Variants in AUTS2 observed in about 807,000 individuals in gnomAD.
AUTS2 encodes the protein autism susceptibility gene 2 protein.
AUTS2 carries 17 observed loss-of-function variants against 112.4 expected under a neutral mutation model. That is an observed-to-expected ratio of 0.15 (90% confidence interval 0.10 to 0.23). The LOEUF (loss-of-function observed/expected upper bound fraction) is 0.23. Among genes scored for constraint, AUTS2 ranks in the 10% least tolerant of loss-of-function variants. AUTS2 has a pLI of 1.00. For synonymous variants in AUTS2, 751 were observed against 702.7 expected (o/e 1.07, Z -1.09); for missense variants, 1,510 against 1,701.6 (o/e 0.89, Z 1.98).
At chr7:69,712,601 A>G (rs1035426112) in intron 1 of AUTS2, among the ~76,000 whole-genome samples, 1 of 152,158 alleles carries the variant, frequency 6.6e-6, no homozygotes, top group Non-Finnish European at 1.5e-5. Context: ...GGATACACCA[A>G]AGTTTGTTTA....
intron 1 of AUTS2, among the ~76,000 whole-genome samples, chr7:69,716,454 C>T (rs904756484): frequency 1.3e-5 from 2 of 152,122 alleles, no homozygotes; most frequent in Admixed American, 6.5e-5. Flanking sequence ...AAGGACTGAA[C>T]TTCTGAGAGA....
At chr7:69,844,322 A>G (rs1197976977) in intron 1 of AUTS2, among the ~76,000 whole-genome samples, 2 of 152,216 alleles carry the variant, frequency 1.3e-5, no homozygotes, top group Non-Finnish European at 2.9e-5. Flanking sequence ...TTATTGCTAT[A>G]AGGAAACCAG....
chr7:70,665,910 C>CCCATAAACAGTGCAACATTA (rs1807323797), intron 5 of AUTS2, among the ~76,000 whole-genome samples: 1 of 152,170 alleles, frequency 6.6e-6, no homozygotes, highest in Non-Finnish European at 1.5e-5. Context: ...TGAACACAAA[C>CCCATAAACAGTGCAACATTA]CCATAAACAG....
chr7:70,276,898 G>A (rs1295219308), intron 4 of AUTS2, among the ~76,000 whole-genome samples: 1 of 152,160 alleles, frequency 6.6e-6, no homozygotes, highest in African/African-American at 2.4e-5. Context: ...AGTAAAGAAC[G>A]TTGGTAACTG....
intron 1 of AUTS2, among the ~76,000 whole-genome samples, chr7:69,841,462 A>G (rs1285823058): frequency 6.6e-6 from 1 of 152,150 alleles, no homozygotes; most frequent in African/African-American, 2.4e-5. Context: ...AACACCTCCC[A>G]CCACCAGCAT....
At chr7:70,303,239 C>T (rs895485213) in intron 4 of AUTS2, among the ~76,000 whole-genome samples, 2 of 152,110 alleles carry the variant, frequency 1.3e-5, no homozygotes, top group Non-Finnish European at 2.9e-5. Context: ...CACTTCCACT[C>T]GGAAATAATA....
chr7:70,698,345 C>G (rs1809246960), intron 5 of AUTS2, among the ~76,000 whole-genome samples: 1 of 151,772 alleles, frequency 6.6e-6, no homozygotes, highest in South Asian at 2.1e-4. Context: ...CTAATAAGGA[C>G]ACATTTTTAA....
intron 1 of AUTS2, among the ~76,000 whole-genome samples, chr7:69,685,130 T>G (rs528171104): frequency 6.6e-6 from 1 of 152,228 alleles, no homozygotes; most frequent in Non-Finnish European, 1.5e-5. Context: ...TCCAGCCTCT[T>G]TTCAGGCTCT....
intron 1 of AUTS2, among the ~76,000 whole-genome samples, chr7:69,645,507 AC>A (rs760356058): frequency 1.8e-4 from 28 of 152,288 alleles, no homozygotes; most frequent in Non-Finnish European, 3.5e-4. Flanking sequence ...CATAAATCTT[AC>A]CTTTTGTACA....
intron 1 of AUTS2, among the ~76,000 whole-genome samples, chr7:69,607,722 G>A (rs1226556575): frequency 1.3e-5 from 2 of 152,062 alleles, no homozygotes; most frequent in Non-Finnish European, 2.9e-5. Context: ...GTTACCTCTG[G>A]AGCCCTGGAA....
chr7:70,418,013 G>C (rs1795056262), intron 4 of AUTS2, among the ~76,000 whole-genome samples: 1 of 152,030 alleles, frequency 6.6e-6, no homozygotes, highest in Non-Finnish European at 1.5e-5. Context: ...GGGTGCACAG[G>C]ATAATCACAG....
chr7:70,481,003 T>C (rs922716508), intron 5 of AUTS2, among the ~76,000 whole-genome samples: 2 of 152,140 alleles, frequency 1.3e-5, no homozygotes, highest in African/African-American at 2.4e-5. Flanking sequence ...GTGTAAAGGC[T>C]CTGAGATGAG....
chr7:69,689,680 ATTTATTTATTTATT>A (rs2129177174), intron 1 of AUTS2, among the ~76,000 whole-genome samples: 2 of 66,686 alleles, frequency 3.0e-5, no homozygotes, highest in African/African-American at 1.8e-4. Context: ...TTATTTATTT[ATTTATTTATTTATT>A]TGAGACAGAG....
chr7:70,347,503 C>T (rs961630484), intron 4 of AUTS2, among the ~76,000 whole-genome samples: 1 of 152,136 alleles, frequency 6.6e-6, no homozygotes, highest in South Asian at 2.1e-4. Context: ...TCTTTCTCCT[C>T]TGGCTTTTCT....
intron 1 of AUTS2, among the ~76,000 whole-genome samples, chr7:69,773,251 G>A (rs1448780612): frequency 6.6e-6 from 1 of 152,086 alleles, no homozygotes; most frequent in African/African-American, 2.4e-5. Context: ...GGGTGCGGTA[G>A]CTCACACCTA....
intron 2 of AUTS2, among the ~76,000 whole-genome samples, chr7:69,965,517 A>AT (rs1381852753): frequency 2.0e-5 from 3 of 152,172 alleles, no homozygotes; most frequent in Non-Finnish European, 4.4e-5. Flanking sequence ...TCAATACGCT[A>AT]TAGATGCCCC....
intron 5 of AUTS2, among the ~76,000 whole-genome samples, chr7:70,640,936 C>G (rs1039119974): frequency 1.3e-5 from 2 of 152,122 alleles, no homozygotes; most frequent in Non-Finnish European, 2.9e-5. Flanking sequence ...CTTCTGATCT[C>G]CCCCGTTCCA....
chr7:70,348,542 C>T (rs986642631), intron 4 of AUTS2, among the ~76,000 whole-genome samples: 1 of 152,228 alleles, frequency 6.6e-6, no homozygotes, highest in African/African-American at 2.4e-5. Context: ...CGGTGGCTCA[C>T]GCCTGTAATC....
chr7:70,706,605 C>T (rs1291549044), intron 6 of AUTS2, among the ~76,000 whole-genome samples: 2 of 152,128 alleles, frequency 1.3e-5, no homozygotes, highest in African/African-American at 2.4e-5. Flanking sequence ...TGATGATCTC[C>T]GTAGGCTTTT....
Sources: allele counts gnomAD v4.1 joint callset (sites outside exome capture counted in the v4.1 genomes callset), GRCh38; gene constraint gnomAD v4.1.1; transcripts MANE v1.5; gene names NCBI Gene and HGNC (gene_info 2026-07-23, HGNC 2026-07-21).